LOXHD1: variants seen among roughly 807,000 people sequenced by gnomAD.
LOXHD1 encodes the protein lipoxygenase homology domain-containing protein 1.
LOXHD1 carries 205 observed loss-of-function variants against 248.2 expected under a neutral mutation model. The observed-to-expected ratio is 0.83, with a 90% CI of 0.74 to 0.93. The LOEUF is 0.93. Among genes scored for constraint, LOXHD1 ranks in the 40% least tolerant of loss-of-function variants. The pLI, the probability that LOXHD1 is intolerant of heterozygous loss-of-function variation, is 0.00. For synonymous variants in LOXHD1, 1,113 were observed against 1,162.8 expected (o/e 0.96, Z 0.87); for missense variants, 2,930 against 2,971.6 (o/e 0.99, Z 0.33).
chr18:46,525,036 G>C, intron 29 of LOXHD1, 119 bp from the exon 30 acceptor site: 1 of 1,190,266 alleles, frequency 8.4e-7, no homozygotes, highest in Non-Finnish European at 1.2e-6. Context: ...GACCTTCTTT[G>C]CTGGGGAGCC....
intron 12 of LOXHD1, among the ~76,000 whole-genome samples, chr18:46,583,442 T>C (rs1020602129): frequency 1.7e-4 from 26 of 152,236 alleles, no homozygotes; most frequent in Non-Finnish European, 2.9e-4. Flanking sequence ...AAGGGGTTAA[T>C]ATTTAGAATA....
chr18:46,566,960 G>A lies in LOXHD1; in HGVS notation c.2245-511C>T, dbSNP rs116622543. Among the ~76,000 whole-genome samples, 684 of 152,302 alleles carry A rather than the reference G, an allele frequency of 4.5e-3. 7 individuals are homozygous for A. The highest frequency in any genetic ancestry group is 0.016 in the African/African-American group (664 of 41,562). On this transcript the variant is annotated intron_variant, in intron 16 of 40. Transcript: ENST00000642948. ...ACAGACTATGCAGGCAACCTCTCAGGACTCTGCGGTTCTGTGTCCAATTCC... is the reference window on the plus strand; with the variant it reads ...ACAGACTATGCAGGCAACCTCTCAGAACTCTGCGGTTCTGTGTCCAATTCC...
chr18:46,550,207 T>C (rs1490421403), intron 21 of LOXHD1, among the ~76,000 whole-genome samples: 1 of 152,244 alleles, frequency 6.6e-6, no homozygotes, highest in East Asian at 1.9e-4. Flanking sequence ...TAGCTTTGGA[T>C]GCTGAAGAAC....
intron 13 of LOXHD1, among the ~76,000 whole-genome samples, chr18:46,579,407 C>T (rs16939650): frequency 0.26 from 39,221 of 152,000 alleles, 5,594 homozygotes; most frequent in South Asian, 0.33. Flanking sequence ...TGAATCAGGG[C>T]GGGCCAGATA....
In LOXHD1 at chr18:46,541,736, G is replaced by A. The variant is rs577520586; in HGVS notation, c.3913+40C>T. ...CTGAGTTGGGGTAGCTGGTGATGGG[G>A]CCCCAGAGAAGGGCTGGCCTTGCCG... On this transcript the variant is annotated intron_variant, in intron 25 of 40. Transcript: ENST00000642948. 43 of 1,549,846 alleles carry A rather than the reference G, an allele frequency of 2.8e-5. No homozygotes were observed. The African/African-American group carries it at 5.5e-4, about 20-fold the overall frequency.
intron 4 of LOXHD1, among the ~76,000 whole-genome samples, chr18:46,629,882 C>T (rs963326058): frequency 1.3e-5 from 2 of 152,026 alleles, no homozygotes; most frequent in Non-Finnish European, 2.9e-5. Context: ...GTCATCCACC[C>T]CTCCCACCAC....
chr18:46,632,576 C>T (rs190936508), intron 4 of LOXHD1, among the ~76,000 whole-genome samples: 28 of 152,168 alleles, frequency 1.8e-4, no homozygotes, highest in African/African-American at 6.3e-4. Context: ...GAGCCATTCC[C>T]GGCAGGATGG....
At chr18:46,621,689 G>T (rs547829612) in intron 4 of LOXHD1, among the ~76,000 whole-genome samples, 1 of 152,092 alleles carries the variant, frequency 6.6e-6, no homozygotes, top group Non-Finnish European at 1.5e-5. Context: ...AGATAGGGCT[G>T]CTGCCCTGGC....
chr18:46,572,137 C>T lies in LOXHD1; in HGVS notation c.1996G>A (p.Gly666Arg). The change falls in exon 15 of 41, where the codon GGG (glycine) becomes AGG (arginine). Residue 666 changes from glycine to arginine, a missense_variant. Transcript: ENST00000642948. ...LRWLDKDKDD[G>R]QLVRELLPSD... ...GGTAGCAACTCTCGGACCAGCTGCC[C>T]ATCATCCTTATCCTTGTCCAACCAC... is the stretch of plus-strand genomic sequence containing the variant. 2 of 1,551,852 alleles carry T rather than the reference C, an allele frequency of 1.3e-6. No homozygotes were observed. The highest frequency in any genetic ancestry group is 1.7e-6 in the Non-Finnish European group (2 of 1,147,014).
Position 46,483,576 on chromosome 18 carries a change from T to G in LOXHD1, c.6341+11A>C, listed in dbSNP as rs1405952110. 1.3e-6 allele frequency: 2 copies of G among 1,551,244 alleles called. No individual in the cohort carries two copies. The highest frequency in any genetic ancestry group is 2.4e-5 in the South Asian group (2 of 84,022). ...GAGTGGCACTTCCTTGGGGAGAGGC[T>G]CAGTACATACACATTGCCGTACTCC... On this transcript the variant is annotated intron_variant, in intron 40 of 40. Transcript: ENST00000642948.
At chr18:46,530,386 G>T (rs1201835852) in intron 28 of LOXHD1, among the ~76,000 whole-genome samples, 1 of 152,150 alleles carries the variant, frequency 6.6e-6, no homozygotes, top group African/African-American at 2.4e-5. Flanking sequence ...GGGCCTCAAG[G>T]GTAGAACAGA....
chr18:46,653,795 T>G (rs1036714801), intron 1 of LOXHD1, among the ~76,000 whole-genome samples: 3 of 152,204 alleles, frequency 2.0e-5, no homozygotes, highest in Non-Finnish European at 4.4e-5. Flanking sequence ...TTTCCTCATC[T>G]CTGAAGTAGG....
chr18:46,549,022 C>T (rs2036970599), intron 21 of LOXHD1, among the ~76,000 whole-genome samples: 1 of 152,160 alleles, frequency 6.6e-6, no homozygotes, highest in South Asian at 2.1e-4. Context: ...GAGCGCTGGG[C>T]GTTCAGCTTC....
intron 8 of LOXHD1, among the ~76,000 whole-genome samples, chr18:46,595,159 T>C (rs2038238699): frequency 6.6e-6 from 1 of 152,220 alleles, no homozygotes; most frequent in Non-Finnish European, 1.5e-5. Flanking sequence ...TTACTGGGTA[T>C]TTGTTGTCTA....
rs1332614335 is a variant in LOXHD1 at position 46,542,857 on chromosome 18, T to C, written c.3620-2A>G. ...TGGAGGACTTCAGGAGGGTCATTCC[T>C]GTGGATCAGATGACCCCAGCATGAC... On this transcript the variant is annotated splice_acceptor_variant, in intron 23 of 40. Transcript: ENST00000642948. LOFTEE classifies it high-confidence loss of function. 2 of 1,551,720 alleles carry C rather than the reference T, an allele frequency of 1.3e-6. No homozygotes were observed. Among genetic ancestry groups the C allele is most frequent in the Non-Finnish European group, 1.7e-6 (2 of 1,146,998 alleles).
chr18:46,636,737 T>C (rs1160590011), intron 4 of LOXHD1, among the ~76,000 whole-genome samples: 1 of 152,232 alleles, frequency 6.6e-6, no homozygotes, highest in Non-Finnish European at 1.5e-5. Flanking sequence ...CCAAACTTCA[T>C]GGATGAAATA....
At chr18:46,570,513 G>A (rs1435736763) in intron 15 of LOXHD1, among the ~76,000 whole-genome samples, 1 of 152,188 alleles carries the variant, frequency 6.6e-6, no homozygotes, top group African/African-American at 2.4e-5. Context: ...GGCCAGACCT[G>A]CAGGTCTGCT....
At chr18:46,613,188 A>T (rs539718313) in intron 5 of LOXHD1, among the ~76,000 whole-genome samples, 3 of 152,080 alleles carry the variant, frequency 2.0e-5, no homozygotes, top group Non-Finnish European at 4.4e-5. Context: ...AACCTGGGAA[A>T]ATTTGCCATA....
intron 4 of LOXHD1, among the ~76,000 whole-genome samples, chr18:46,638,613 A>G (rs2038922242): frequency 6.6e-6 from 1 of 152,226 alleles, no homozygotes; most frequent in South Asian, 2.1e-4. Context: ...AGCTTGGGCA[A>G]CAAGAGTGAA....
Sources: allele counts gnomAD v4.1 joint callset (sites outside exome capture counted in the v4.1 genomes callset), GRCh38; gene constraint gnomAD v4.1.1; transcripts MANE v1.5; gene names NCBI Gene and HGNC (gene_info 2026-07-23, HGNC 2026-07-21).